The following PCDHGA3 variants were observed in gnomAD, a reference collection of about 807,000 sequenced individuals.
PCDHGA3 encodes the protein protocadherin gamma-A3.
Under a neutral mutation model 58.5 loss-of-function variants are expected in PCDHGA3, and 40 were observed. The ratio of observed to expected loss-of-function variants is 0.68; its 90% CI spans 0.53 to 0.89. The LOEUF (loss-of-function observed/expected upper bound fraction) is 0.89. PCDHGA3 is among the 40% of genes least tolerant of loss of function. PCDHGA3 has a pLI of 0.00. For missense variants in PCDHGA3, 1,223 were observed against 1,195.9 expected, an observed-to-expected ratio of 1.02 and a Z score of -0.33; for synonymous variants, 530 against 525.7, an observed-to-expected ratio of 1.01 and a Z score of -0.11.
rs1298454674 is a variant in PCDHGA3, at chr5:141,438,625, TATATATATATAC to T, written c.2425-56180_2425-56169del. 7.7e-3 allele frequency among the ~76,000 whole-genome samples: 357 copies of T among 46,390 alleles called. 5 individuals are homozygous for T. The East Asian group carries it at 0.082, about 11-fold the overall frequency. 30.4% of individuals were successfully genotyped at this position (46,390 alleles called of 152,430 possible). A position where few individuals can be genotyped will look rare whatever the true frequency, so the allele number is the denominator to read the frequency against. On this transcript the variant is annotated intron_variant, in intron 1 of 3. Transcript: ENST00000253812. ...ATATATATATATATATATATATATATATATATATATACACACACACACACACATATATGTATA... is the reference window on the plus strand; with the variant it reads ...ATATATATATATATATATATATATATACACACACACACACATATATGTATA...
intron 1 of PCDHGA3, among the ~76,000 whole-genome samples, chr5:141,433,766 G>A (rs2097649774): frequency 6.6e-6 from 1 of 151,888 alleles, no homozygotes; most frequent in South Asian, 2.1e-4. Flanking sequence ...TAACCTGGGA[G>A]GTGGAGGTTG....
Position 141,375,597 on chromosome 5 carries a change from T to A in PCDHGA3, c.2424+29140T>A, listed in dbSNP as rs752006849. ...CAGGGGGCGCCCCTGTCCTCCTACG[T>A]GTCCATCAACTCCGACACTGGGATT... On this transcript the variant is annotated intron_variant, in intron 1 of 3. Transcript: ENST00000253812. The A allele has an allele frequency of 1.4e-5, 22 of 1,614,042 alleles. No homozygotes were observed. In the Middle Eastern group the frequency reaches 4.9e-4, roughly 36 times the overall value.
At chr5:141,481,963 TA>T (rs1158466251) in intron 1 of PCDHGA3, among the ~76,000 whole-genome samples, 1 of 148,746 alleles carries the variant, frequency 6.7e-6, no homozygotes, top group Non-Finnish European at 1.5e-5. Context: ...CAGGTGCCTG[TA>T]GTCACAGCTA....
At chr5:141,433,854 A>T (rs2097660850) in intron 1 of PCDHGA3, among the ~76,000 whole-genome samples, 1 of 151,852 alleles carries the variant, frequency 6.6e-6, no homozygotes, top group African/African-American at 2.4e-5. Context: ...AAAAAAAAAA[A>T]ACTTTATCCT....
rs1036223789 is a variant in PCDHGA3, at chr5:141,511,298, G to C, written c.*125G>C. 49 of 1,502,412 alleles carry C rather than the reference G, an allele frequency of 3.3e-5. No homozygotes were observed. The African/African-American group carries it at 6.7e-4, about 20-fold the overall frequency. 93.1% of individuals were successfully genotyped at this position (1,502,412 alleles called of 1,614,324 possible). A position where few individuals can be genotyped will look rare whatever the true frequency, so the allele number is the denominator to read the frequency against. The stretch of plus-strand genomic sequence containing the variant: ...GAATACTGGTAGGGGCCAAGGCCAT[G>C]CTCCCCTTGGGAAACAGAAACAAGT... On this transcript the variant is annotated 3_prime_UTR_variant, in exon 4 of 4. Coordinates refer to ENST00000253812, the MANE Select transcript of PCDHGA3 (RefSeq NM_018916.4).
chr5:141,461,423 C>T lies in PCDHGA3; in HGVS notation c.2425-33384C>T, dbSNP rs1005977255. 3.9e-5 allele frequency among the ~76,000 whole-genome samples: 6 copies of T among 151,938 alleles called. No individual in the cohort carries two copies. In the South Asian group the frequency reaches 6.2e-4, roughly 16 times the overall value. On this transcript the variant is annotated intron_variant, in intron 1 of 3. Coordinates refer to ENST00000253812, the MANE Select transcript of PCDHGA3 (RefSeq NM_018916.4). ...AGCATTTTTTCATATGTTTGTGGGC[C>T]ATTTGTATACCTTCTTTTGAGAAAT... is the stretch of plus-strand genomic sequence containing the variant.
At chr5:141,492,952 C>T (rs1428667098) in intron 1 of PCDHGA3, among the ~76,000 whole-genome samples, 1 of 152,242 alleles carries the variant, frequency 6.6e-6, no homozygotes, top group Non-Finnish European at 1.5e-5. Context: ...GGTGACCAAA[C>T]TATCTGACAC....
Position 141,410,123 on chromosome 5 carries a change from C to T in PCDHGA3, c.2424+63666C>T. ...AGGCGACAGGGACGCAGCCCGCCAG[C>T]GCCTGCTGGTCGCTGTGCGTGACGG... On this transcript the variant is annotated intron_variant, in intron 1 of 3. Coordinates refer to ENST00000253812, the MANE Select transcript of PCDHGA3 (RefSeq NM_018916.4). The T allele has an allele frequency of 1.2e-6, 2 of 1,612,780 alleles. No individual in the cohort carries two copies. The highest frequency in any genetic ancestry group is 1.7e-6 in the Non-Finnish European group (2 of 1,179,646).
In PCDHGA3 at chr5:141,491,556, C is replaced by T. The variant is rs2099720720; in HGVS notation, c.2425-3251C>T. The T allele has an allele frequency of 1.2e-6, 2 of 1,613,848 alleles. No homozygotes were observed. The highest frequency in any genetic ancestry group is 1.7e-5 in the Admixed American group (1 of 60,000). ...TGCGGCCCACAGACTCGCAGAGCCA[C>T]TGCTACAGGACGTGCTTTTCACCGG... On this transcript the variant is annotated intron_variant, in intron 1 of 3. Transcript: ENST00000253812. The surrounding 1 kb of genome is among the most constrained non-coding windows in gnomAD (Gnocchi z 6.9).
rs1762963941 is a variant in PCDHGA3, at chr5:141,363,537, C to T, written c.2424+17080C>T. 2.0e-5 allele frequency among the ~76,000 whole-genome samples: 3 copies of T among 152,150 alleles called. No homozygotes were observed. The South Asian group carries it at 6.2e-4, about 32-fold the overall frequency. On this transcript the variant is annotated intron_variant, in intron 1 of 3. Coordinates refer to ENST00000253812, the MANE Select transcript of PCDHGA3 (RefSeq NM_018916.4). ...GTTACTATACTGGTTGTCACTGGAA[C>T]TACAAATATTTGAACATGGTAATAG...
intron 1 of PCDHGA3, chr5:141,421,025 A>G: frequency 5.7e-6 from 3 of 526,286 alleles, no homozygotes; most frequent in East Asian, 3.2e-5. Context: ...GCTGCGCGCC[A>G]TTGAGTCCCT....
chr5:141,408,131 G>C, intron 1 of PCDHGA3: 1 of 1,482,338 alleles, frequency 6.7e-7, no homozygotes, highest in South Asian at 1.4e-5. Flanking sequence ...TGGGCCGAAT[G>C]CTCTTTTAGC....
chr5:141,409,259 T>C lies in PCDHGA3; in HGVS notation c.2424+62802T>C, dbSNP rs370130162. ...CCCAGAAATAATCATCACTTCTCTC[T>C]CTGATCAGATTTTGGAGAATTCACC... is the stretch of plus-strand genomic sequence containing the variant. On this transcript the variant is annotated intron_variant, in intron 1 of 3. Coordinates refer to ENST00000253812, the MANE Select transcript of PCDHGA3 (RefSeq NM_018916.4). The C allele has an allele frequency of 1.9e-6, 3 of 1,614,012 alleles. No individual in the cohort carries two copies. Among genetic ancestry groups the C allele is most frequent in the South Asian group, 2.2e-5 (2 of 91,082 alleles).
chr5:141,491,567 C>T lies in PCDHGA3; in HGVS notation c.2425-3240C>T, dbSNP rs2099721325. On this transcript the variant is annotated intron_variant, in intron 1 of 3. Transcript: ENST00000253812. The surrounding 1 kb of genome is among the most constrained non-coding windows in gnomAD (Gnocchi z 6.9). ...GACTCGCAGAGCCACTGCTACAGGACGTGCTTTTCACCGGCCTCGGACGGC... is the reference window on the plus strand; with the variant it reads ...GACTCGCAGAGCCACTGCTACAGGATGTGCTTTTCACCGGCCTCGGACGGC... 1.9e-6 allele frequency: 3 copies of T among 1,614,004 alleles called. No individual in the cohort carries two copies. The highest frequency in any genetic ancestry group is 2.5e-6 in the Non-Finnish European group (3 of 1,180,034).
chr5:141,428,116 A>G, intron 1 of PCDHGA3: 1 of 1,607,216 alleles, frequency 6.2e-7, no homozygotes, highest in Non-Finnish European at 8.5e-7. Flanking sequence ...CAGGCCATCG[A>G]GCCCGGGCTT....
intron 2 of PCDHGA3, among the ~76,000 whole-genome samples, chr5:141,503,886 T>G (rs150106838): frequency 8.2e-4 from 125 of 152,290 alleles, no homozygotes; most frequent in African/African-American, 2.9e-3. Flanking sequence ...TCACCCACCA[T>G]GACAAAATAT....
At chr5:141,441,736 T>C in intron 1 of PCDHGA3, 1 of 365,328 alleles carries the variant, frequency 2.7e-6, no homozygotes. Flanking sequence ...CAGGACTAGC[T>C]CGCGCTCGGC....
intron 1 of PCDHGA3, chr5:141,356,530 G>A: frequency 1.2e-6 from 2 of 1,613,812 alleles, no homozygotes; most frequent in Non-Finnish European, 1.7e-6. Flanking sequence ...GCAAGTGATG[G>A]ACATCAATGA....
intron 1 of PCDHGA3, among the ~76,000 whole-genome samples, chr5:141,492,409 C>G (rs1367119266): frequency 6.6e-6 from 1 of 152,230 alleles, no homozygotes; most frequent in Non-Finnish European, 1.5e-5. Flanking sequence ...TCCCCTCTGC[C>G]GCTCCCTCCG....
Sources: gnomAD v4.1 joint callset for allele counts (sites outside exome capture counted in the v4.1 genomes callset) on GRCh38, gnomAD v4.1.1 for gene constraint, Gnocchi (gnomAD v3.1) non-coding constraint, MANE v1.5 for transcripts, NCBI Gene and HGNC (gene_info 2026-07-23, HGNC 2026-07-21) for gene names.